SNED1: variants seen among roughly 807,000 people sequenced by gnomAD.
SNED1 encodes sushi, nidogen and EGF like domains 1.
A neutral mutation model predicts 166.7 loss-of-function variants in SNED1; 81 were observed. That is an observed-to-expected ratio of 0.49 (90% CI 0.41 to 0.58). SNED1 has a LOEUF of 0.58. Ranked by LOEUF, SNED1 falls within the 20% of genes least tolerant of loss-of-function variation. The pLI, the probability that SNED1 is intolerant of heterozygous loss-of-function variation, is 0.00. For missense variants in SNED1, 1,604 were observed against 2,000.2 expected, an observed-to-expected ratio of 0.80 and a Z score of 3.78; for synonymous variants, 762 against 822.0, an observed-to-expected ratio of 0.93 and a Z score of 1.25.
intron 1 of SNED1, among the ~76,000 whole-genome samples, chr2:241,003,537 C>T (rs2060134484): frequency 6.6e-6 from 1 of 152,234 alleles, no homozygotes; most frequent in Non-Finnish European, 1.5e-5. Flanking sequence ...CAGGGTGAGC[C>T]TTAGCCTGGG....
chr2:241,049,748 C>A, intron 11 of SNED1, 69 bp from the exon 12 acceptor site: 2 of 1,232,744 alleles, frequency 1.6e-6, no homozygotes, highest in African/African-American at 1.5e-5. Flanking sequence ...GCAAGGTGCC[C>A]GCCAGCCTCT....
At chr2:241,015,235 A>G (rs1367459049) in intron 1 of SNED1, among the ~76,000 whole-genome samples, 1 of 152,210 alleles carries the variant, frequency 6.6e-6, no homozygotes, top group Non-Finnish European at 1.5e-5. Context: ...TGAGTCGTGC[A>G]ATCTAGGAAC....
chr2:241,081,128 G>A (rs1465724961), intron 27 of SNED1, among the ~76,000 whole-genome samples: 1 of 152,236 alleles, frequency 6.6e-6, no homozygotes, highest in Non-Finnish European at 1.5e-5. Context: ...GGCTGGGGGT[G>A]CACACGCATC....
At position 241,069,808 on chromosome 2, in the gene SNED1, G is replaced by A; in HGVS notation, c.3308-112G>A. ...GCACTGTACCATTCTCCATAATAAA[G>A]AATCTGGCTTCCAGCAAGGCTGCGG... On this transcript the variant is annotated intron_variant, in intron 23 of 31. Coordinates refer to ENST00000310397, the MANE Select transcript of SNED1 (RefSeq NM_001080437.3). The surrounding 1 kb of genome is among the most constrained non-coding windows in gnomAD (Gnocchi z 4.9). The A allele has an allele frequency of 8.0e-7, 1 of 1,256,616 alleles. No homozygotes were observed. Among genetic ancestry groups the A allele is most frequent in the Non-Finnish European group, 1.1e-6 (1 of 904,356 alleles). The allele number at this position is 1,256,616 out of a possible 1,614,324, so 77.8% of individuals were successfully genotyped here.
chr2:241,020,119 A>C (rs1400014224), intron 1 of SNED1, among the ~76,000 whole-genome samples: 3 of 152,284 alleles, frequency 2.0e-5, no homozygotes, highest in Admixed American at 6.5e-5. Flanking sequence ...AGAACAAAAA[A>C]GAATATGCAA....
At chr2:241,049,166 CG>C (rs2061752431) in intron 11 of SNED1, 31 bp downstream of exon 11, 8 of 1,555,372 alleles carry the variant, frequency 5.1e-6, no homozygotes, top group Admixed American at 1.8e-5. Context: ...CCTGCTGGGC[CG>C]GGGGCCCGGA....
chr2:241,082,396 A>G, intron 29 of SNED1, 32 bp downstream of exon 29: 3 of 1,553,940 alleles, frequency 1.9e-6, no homozygotes, highest in South Asian at 1.1e-5. Flanking sequence ...GCCTTACCGC[A>G]TTTGTCGTGT....
chr2:241,058,094 G>C (rs1485674807), intron 16 of SNED1, among the ~76,000 whole-genome samples: 3 of 151,986 alleles, frequency 2.0e-5, no homozygotes, highest in South Asian at 4.1e-4. Flanking sequence ...AAGAATGAAA[G>C]TGAAAGGAAA....
At chr2:241,086,331 G>A (rs1376303208) in intron 29 of SNED1, among the ~76,000 whole-genome samples, 3 of 150,346 alleles carry the variant, frequency 2.0e-5, no homozygotes, top group Non-Finnish European at 3.0e-5. Context: ...CACAGATTCT[G>A]GAGTTCCTCC....
At chr2:241,067,726 G>A (rs2062520773) in intron 21 of SNED1, 38 bp from the exon 22 acceptor site, 5 of 1,555,690 alleles carry the variant, frequency 3.2e-6, no homozygotes, top group Non-Finnish European at 3.5e-6. Flanking sequence ...CAGGAGCAAG[G>A]AGGGGCCGGC....
rs563259582 is a variant in SNED1 at position 241,002,669 on chromosome 2, G to T, written c.213+3619G>T. 4.6e-3 allele frequency among the ~76,000 whole-genome samples: 704 copies of T among 152,234 alleles called. 4 individuals carry two copies. The highest frequency in any genetic ancestry group is 6.1e-3 in the Non-Finnish European group (418 of 68,002). On this transcript the variant is annotated intron_variant, in intron 1 of 31. Coordinates refer to ENST00000310397, the MANE Select transcript of SNED1 (RefSeq NM_001080437.3). Reference sequence around the variant, plus strand: ...TGCCTGGACCTCACAGGCAGCCCCTGAGAGGATGGAGCAGGACGTCATGCC... The same window carrying T: ...TGCCTGGACCTCACAGGCAGCCCCTTAGAGGATGGAGCAGGACGTCATGCC...
chr2:241,087,208 C>T, intron 29 of SNED1, 184 bp from the exon 30 acceptor site: 1 of 582,364 alleles, frequency 1.7e-6, no homozygotes, highest in Non-Finnish European at 3.1e-6. Flanking sequence ...AAATTTATTA[C>T]AAATCACATG....
In SNED1 at chr2:240,999,263, G is replaced by A. The variant is rs1559202368; in HGVS notation, c.213+213G>A. Among the ~76,000 whole-genome samples, 1 of 149,800 alleles carries A rather than the reference G, an allele frequency of 6.7e-6. No individual in the cohort carries two copies. Among genetic ancestry groups the A allele is most frequent in the Non-Finnish European group, 1.5e-5 (1 of 67,208 alleles). ...GGGCGGGGCGGGGGCGGCAGCCGCC[G>A]GGCACCGAGGCGGGGGCGAGTGGAG... On this transcript the variant is annotated intron_variant, in intron 1 of 31. Coordinates refer to ENST00000310397, the MANE Select transcript of SNED1 (RefSeq NM_001080437.3). The surrounding 1 kb of genome is among the most constrained non-coding windows in gnomAD (Gnocchi z 5.8).
At position 241,049,068 on chromosome 2, in the gene SNED1, G is replaced by C. The variant is rs748325990; in HGVS notation, c.1551G>C (p.Gly517=). The C allele has an allele frequency of 6.2e-7, 1 of 1,613,672 alleles. No homozygotes were observed. The highest frequency in any genetic ancestry group is 8.5e-7 in the Non-Finnish European group (1 of 1,179,760). ...PCNMNTQCPD[G]GYCMEHGGSY... ...ACATGAACACACAGTGCCCAGATGG[G>C]GGCTACTGCATGGAGCACGGCGGGA... The change falls in exon 11 of 32, where the codon GGG becomes GGC. Residue 517 remains glycine (G), a synonymous_variant. Coordinates refer to ENST00000310397, the MANE Select transcript of SNED1 (RefSeq NM_001080437.3).
chr2:241,060,521 A>G (rs1366678202), intron 16 of SNED1, among the ~76,000 whole-genome samples: 1 of 152,230 alleles, frequency 6.6e-6, no homozygotes, highest in Non-Finnish European at 1.5e-5. Flanking sequence ...ACAAAAGCAT[A>G]TGAGAAAATA....
chr2:241,037,173 G>A (rs777910290), intron 5 of SNED1, 67 bp from the exon 6 acceptor site: 17 of 1,362,584 alleles, frequency 1.2e-5, no homozygotes, highest in Admixed American at 9.9e-5. Flanking sequence ...GGCCCAACCC[G>A]AGCCCTTAGA....
At chr2:241,004,117 TC>T (rs2060150639) in intron 1 of SNED1, among the ~76,000 whole-genome samples, 1 of 152,068 alleles carries the variant, frequency 6.6e-6, no homozygotes, top group Non-Finnish European at 1.5e-5. Context: ...CACAAAATGA[TC>T]CCCACATCCC....
chr2:241,052,485 GAT>G lies in SNED1; in HGVS notation c.2083+18_2083+19del, dbSNP rs1375947114. The G allele has an allele frequency of 1.9e-6, 3 of 1,565,944 alleles. No homozygotes were observed. Among genetic ancestry groups the G allele is most frequent in the East Asian group, 2.3e-5 (1 of 43,678 alleles). On this transcript the variant is annotated intron_variant, in intron 15 of 31. Coordinates refer to ENST00000310397, the MANE Select transcript of SNED1 (RefSeq NM_001080437.3). ...GCCAGGCAGGTGAGAGGGTCAGGGGGATCAAGCAGGGTACATGGGATACCAGT... is the reference window on the plus strand; with the variant it reads ...GCCAGGCAGGTGAGAGGGTCAGGGGGCAAGCAGGGTACATGGGATACCAGT...
At chr2:241,053,456 CCCT>C (rs2061944670) in intron 16 of SNED1, 130 bp downstream of exon 16, 1 of 878,820 alleles carries the variant, frequency 1.1e-6, no homozygotes, top group Non-Finnish European at 1.7e-6. Context: ...GCCCCTGCTC[CCCT>C]CAGTCTCCTG....
Sources: gnomAD v4.1 joint callset for allele counts (sites outside exome capture counted in the v4.1 genomes callset) on GRCh38, gnomAD v4.1.1 for gene constraint, Gnocchi (gnomAD v3.1) non-coding constraint, MANE v1.5 for transcripts, NCBI Gene and HGNC (gene_info 2026-07-23, HGNC 2026-07-21) for gene names.